The following FUBP3 variants were observed in gnomAD, a reference collection of about 807,000 sequenced individuals.
FUBP3 encodes far upstream element-binding protein 3.
Under a neutral mutation model 85.6 loss-of-function variants are expected in FUBP3, and 28 were observed. The ratio of observed to expected loss-of-function variants is 0.33; its 90% CI spans 0.24 to 0.45. FUBP3 has a LOEUF of 0.45. Ranked by LOEUF, FUBP3 falls within the 20% of genes least tolerant of loss-of-function variation. FUBP3 has a pLI of 1.00. For synonymous variants in FUBP3, 271 were observed against 271.4 expected (o/e 1.00, Z 0.01); for missense variants, 583 against 755.1 (o/e 0.77, Z 2.67).
chr9:130,604,991 ATG>A (rs2119053865), intron 2 of FUBP3, among the ~76,000 whole-genome samples: 1 of 152,286 alleles, frequency 6.6e-6, no homozygotes, highest in South Asian at 2.1e-4. Context: ...TAAAACACAT[ATG>A]TGACTGAAAT....
chr9:130,611,817 A>AT (rs1754693821), intron 3 of FUBP3, among the ~76,000 whole-genome samples: 2 of 151,660 alleles, frequency 1.3e-5, no homozygotes. Flanking sequence ...AAAAAAAAAA[A>AT]GGCACATAAT....
chr9:130,599,322 CAT>C (rs1047702523), intron 2 of FUBP3, among the ~76,000 whole-genome samples: 2 of 145,256 alleles, frequency 1.4e-5, no homozygotes, highest in African/African-American at 5.6e-5. Flanking sequence ...TATAGATACA[CAT>C]ATATACACAC....
chr9:130,583,827 A>G (rs767011384), intron 1 of FUBP3, among the ~76,000 whole-genome samples: 5 of 152,186 alleles, frequency 3.3e-5, no homozygotes, highest in Non-Finnish European at 5.9e-5. Context: ...AATAAACTAT[A>G]TATTCCACTG....
intron 10 of FUBP3, 133 bp from the exon 11 acceptor site, chr9:130,623,478 C>T (rs1829837993): frequency 1.6e-6 from 1 of 644,610 alleles, no homozygotes; most frequent in Non-Finnish European, 2.8e-6. Context: ...CCAAAAGAGT[C>T]CCTGCAGCTG....
At chr9:130,631,070 G>A in intron 13 of FUBP3, 1 of 1,021,742 alleles carries the variant, frequency 9.8e-7, no homozygotes, top group Non-Finnish European at 1.2e-6. Context: ...AGCGGCTGGG[G>A]CGGCAGCCTC....
intron 2 of FUBP3, among the ~76,000 whole-genome samples, chr9:130,605,237 T>C (rs1429522745): frequency 6.6e-6 from 1 of 152,154 alleles, no homozygotes; most frequent in Non-Finnish European, 1.5e-5. Flanking sequence ...GGCCCCCTCA[T>C]CTGTTGCCTT....
At chr9:130,602,921 C>T (rs1831226380) in intron 2 of FUBP3, among the ~76,000 whole-genome samples, 1 of 152,138 alleles carries the variant, frequency 6.6e-6, no homozygotes, top group Non-Finnish European at 1.5e-5. Flanking sequence ...CTGCCACGCC[C>T]CTTCTCCCGT....
At position 130,603,395 on chromosome 9, in the gene FUBP3, T is replaced by C. The variant is rs149201305; in HGVS notation, c.191-6559T>C. 1.1e-3 allele frequency among the ~76,000 whole-genome samples: 166 copies of C among 149,202 alleles called. 1 individual carries two copies. The highest frequency in any genetic ancestry group is 3.9e-3 in the African/African-American group (158 of 40,296). ...AAATAGTGAAGGGGACAGGGTCTGA[T>C]TTTATCCAGTTGACAACTCCTGGCA... On this transcript the variant is annotated intron_variant, in intron 2 of 18. Coordinates refer to ENST00000319725, the MANE Select transcript of FUBP3 (RefSeq NM_003934.2).
chr9:130,590,510 A>G (rs1415488144), intron 1 of FUBP3, among the ~76,000 whole-genome samples: 1 of 152,210 alleles, frequency 6.6e-6, no homozygotes, highest in East Asian at 1.9e-4. Context: ...AAGGGGGAAA[A>G]TAACTTGTGT....
rs1445488206 is a variant in FUBP3 at position 130,620,209 on chromosome 9, A to G, written c.667-145A>G. On this transcript the variant is annotated intron_variant, in intron 8 of 18. Transcript: ENST00000319725. ...AGATACGATACACACATCCCCCTAC[A>G]TGTCCCATAAGCCATAAGTGAATTG... 4.2e-5 allele frequency: 22 copies of G among 518,468 alleles called. No homozygotes were observed. The East Asian group carries it at 5.6e-4, about 13-fold the overall frequency. 32.1% of individuals were successfully genotyped at this position (518,468 alleles called of 1,614,324 possible). A position where few individuals can be genotyped will look rare whatever the true frequency, so the allele number is the denominator to read the frequency against.
chr9:130,628,110 A>G (rs866713819), intron 12 of FUBP3, among the ~76,000 whole-genome samples: 5,092 of 151,452 alleles, frequency 0.034, 296 homozygotes, highest in African/African-American at 0.12. Flanking sequence ...ACGCGCACAC[A>G]CACACACACA....
intron 2 of FUBP3, among the ~76,000 whole-genome samples, 156 bp downstream of exon 2, chr9:130,595,744 C>A (rs1462195196): frequency 2.0e-5 from 3 of 152,192 alleles, no homozygotes; most frequent in Non-Finnish European, 2.9e-5. Flanking sequence ...CTCAGCAGTT[C>A]TTCAGCATTT....
chr9:130,631,676 C>G, intron 14 of FUBP3, 46 bp downstream of exon 14: 1 of 1,428,294 alleles, frequency 7.0e-7, no homozygotes. Context: ...CACTCGCTCC[C>G]CAGAGATCCC....
At chr9:130,631,011 AG>A in intron 13 of FUBP3, 3 of 624,254 alleles carry the variant, frequency 4.8e-6, no homozygotes, top group Non-Finnish European at 6.9e-6. Flanking sequence ...GGACTCACCA[AG>A]GCCGCAGCAG....
rs1318453332 is a variant in FUBP3 at position 130,579,640 on chromosome 9, C to T, written c.-41C>T. 2.2e-5 allele frequency: 26 copies of T among 1,181,924 alleles called. No homozygotes were observed. The highest frequency in any genetic ancestry group is 2.5e-5 in the Non-Finnish European group (24 of 941,208). 73.2% of individuals were successfully genotyped at this position (1,181,924 alleles called of 1,614,324 possible). A position where few individuals can be genotyped will look rare whatever the true frequency, so the allele number is the denominator to read the frequency against. On this transcript the variant is annotated 5_prime_UTR_variant, in exon 1 of 19. Transcript: ENST00000319725. Reference sequence around the variant, plus strand: ...GGACCGGGGAGCCGAGCGGCGGCGTCGGCGGCGTCGGCGGCGGCGGCGACG... The same window carrying T: ...GGACCGGGGAGCCGAGCGGCGGCGTTGGCGGCGTCGGCGGCGGCGGCGACG...
At position 130,637,049 on chromosome 9, in the gene FUBP3, C is replaced by G; in HGVS notation, c.*27C>G. 4.4e-6 allele frequency: 7 copies of G among 1,597,964 alleles called. No homozygotes were observed. The highest frequency in any genetic ancestry group is 6.0e-6 in the Non-Finnish European group (7 of 1,165,366). ...ACAGCGTCCTCGTGGCCAACTCTCC[C>G]CTCAAAATCATTGTCAAAGAAAACC... is the stretch of plus-strand genomic sequence containing the variant. On this transcript the variant is annotated 3_prime_UTR_variant, in exon 19 of 19. Coordinates refer to ENST00000319725, the MANE Select transcript of FUBP3 (RefSeq NM_003934.2).
At chr9:130,593,393 G>A (rs7021782) in intron 1 of FUBP3, among the ~76,000 whole-genome samples, 10,406 of 152,260 alleles carry the variant, frequency 0.068, 444 homozygotes, top group African/African-American at 0.13. Context: ...CTTAACATTT[G>A]TTGGGTGAAT....
Position 130,623,654 on chromosome 9 carries a change from T to C in FUBP3, c.918T>C (p.Pro306=). ...AAAGAGCTGCCCAGGTCATGGGCCC[T>C]CCGGATCGGTGTCAGCATGCAGCGC... The part of the protein sequence containing the change: ...SPERAAQVMG[P]PDRCQHAAHI... The change falls in exon 11 of 19, where the codon CCT becomes CCC. Residue 306 remains proline, a synonymous_variant. Transcript: ENST00000319725. The C allele has an allele frequency of 2.5e-6, 4 of 1,613,942 alleles. No individual in the cohort carries two copies. The highest frequency in any genetic ancestry group is 2.5e-6 in the Non-Finnish European group (3 of 1,179,868).
intron 2 of FUBP3, among the ~76,000 whole-genome samples, chr9:130,609,659 T>G (rs1165279565): frequency 4.6e-5 from 7 of 152,178 alleles, no homozygotes; most frequent in Non-Finnish European, 1.5e-5. Context: ...GGTAGGAAGT[T>G]AGAGGGATTT....
Sources: gnomAD v4.1 joint callset for allele counts (sites outside exome capture counted in the v4.1 genomes callset) on GRCh38, gnomAD v4.1.1 for gene constraint, MANE v1.5 for transcripts, NCBI Gene and HGNC (gene_info 2026-07-23, HGNC 2026-07-21) for gene names.